LMOD1: variants seen among roughly 807,000 people sequenced by gnomAD.
LMOD1 encodes leiomodin-1.
LMOD1 carries 8 observed loss-of-function variants against 36.5 expected under a neutral mutation model. The observed-to-expected ratio is 0.22, with a 90% CI of 0.13 to 0.40. LMOD1 has a LOEUF of 0.40. Ranked by LOEUF, LMOD1 falls within the 10% of genes least tolerant of loss-of-function variation. The pLI is 1.00. For missense variants in LMOD1, 630 were observed against 751.1 expected, an observed-to-expected ratio of 0.84 and a Z score of 1.88; for synonymous variants, 284 against 288.7, an observed-to-expected ratio of 0.98 and a Z score of 0.17.
intron 1 of LMOD1, among the ~76,000 whole-genome samples, chr1:201,932,339 G>C (rs1471853129): frequency 2.0e-5 from 3 of 152,116 alleles, no homozygotes; most frequent in African/African-American, 7.2e-5. Context: ...TGAGGTAGAG[G>C]AATCTGACCT....
In LMOD1 at chr1:201,897,061, C is replaced by T. The variant is rs1681207346; in HGVS notation, c.*1311G>A. The T allele has an allele frequency of 3.5e-6, 1 of 283,464 alleles. No individual in the cohort carries two copies. The highest frequency in any genetic ancestry group is 7.1e-6 in the Non-Finnish European group (1 of 141,600). 17.6% of individuals were successfully genotyped at this position (283,464 alleles called of 1,614,324 possible). A position where few individuals can be genotyped will look rare whatever the true frequency, so the allele number is the denominator to read the frequency against. On this transcript the variant is annotated 3_prime_UTR_variant, in exon 3 of 3. Transcript: ENST00000367288. ...TTCAGAAAGATGCCTTTCACCTACACCCGATGGTGGGCATGGCAGCATTGT... is the reference window on the plus strand; with the variant it reads ...TTCAGAAAGATGCCTTTCACCTACATCCGATGGTGGGCATGGCAGCATTGT...
Position 201,899,472 on chromosome 1 carries a change from T to G in LMOD1, c.1541A>C (p.Gln514Pro). The change falls in exon 2 of 3, where the codon CAA becomes CCA. Residue 514 changes from glutamine (Q) to proline (P), a missense_variant. By Grantham distance (76) the Gln-to-Pro change is moderately conservative (BLOSUM62 -1). Transcript: ENST00000367288. This position sits in a 1 kb window ranked among gnomAD's most constrained non-coding sequence, Gnocchi z 6.3. ...CTTTGGAGAGGGCTTTGGAGATGGT[T>G]GAGGTGAAGGTTTTGGGGAGCCCTT... ...VAKGSPKPSP[Q>P]PSPKPSPKNS... The G allele has an allele frequency of 6.2e-7, 1 of 1,613,958 alleles. No individual in the cohort carries two copies. Among genetic ancestry groups the G allele is most frequent in the Non-Finnish European group, 8.5e-7 (1 of 1,179,878 alleles).
At chr1:201,933,003 A>G (rs184364185) in intron 1 of LMOD1, among the ~76,000 whole-genome samples, 3 of 152,344 alleles carry the variant, frequency 2.0e-5, no homozygotes, top group Non-Finnish European at 4.4e-5. Context: ...AAATGTTCAT[A>G]ACAGCATTGT....
chr1:201,913,376 C>T (rs1287141128), intron 1 of LMOD1, among the ~76,000 whole-genome samples: 2 of 152,036 alleles, frequency 1.3e-5, no homozygotes, highest in Non-Finnish European at 2.9e-5. Flanking sequence ...GAGGCCGAGG[C>T]GGGTGGATCA....
intron 1 of LMOD1, among the ~76,000 whole-genome samples, chr1:201,925,617 C>G (rs1200936650): frequency 1.3e-5 from 2 of 150,044 alleles, no homozygotes; most frequent in African/African-American, 4.9e-5. Flanking sequence ...AGTTGACCTT[C>G]TCTTCTTGAC....
chr1:201,896,886 G>C lies in LMOD1; in HGVS notation c.*1486C>G, dbSNP rs1484270612. ...AGCACAGCGATCTTGCTTCCTAGCT[G>C]GGGCACCCCACCCTCACCTCAAAGA... On this transcript the variant is annotated 3_prime_UTR_variant, in exon 3 of 3. Coordinates refer to ENST00000367288, the MANE Select transcript of LMOD1 (RefSeq NM_012134.3). 3 of 360,414 alleles carry C rather than the reference G, an allele frequency of 8.3e-6. No individual in the cohort carries two copies. Among genetic ancestry groups the C allele is most frequent in the Non-Finnish European group, 1.7e-5 (3 of 180,212 alleles). 22.3% of individuals were successfully genotyped at this position (360,414 alleles called of 1,614,324 possible).
intron 1 of LMOD1, among the ~76,000 whole-genome samples, chr1:201,908,939 A>G (rs1000601015): frequency 6.6e-6 from 1 of 152,174 alleles, no homozygotes; most frequent in Non-Finnish European, 1.5e-5. Flanking sequence ...ATCCGCACCC[A>G]ATAAACCTGA....
chr1:201,908,423 C>T (rs1681444074), intron 1 of LMOD1, among the ~76,000 whole-genome samples: 1 of 152,174 alleles, frequency 6.6e-6, no homozygotes. Flanking sequence ...CAAGTATAAC[C>T]TCACCCCCTT....
chr1:201,946,073 C>T lies in LMOD1; in HGVS notation c.261+7G>A. 6.2e-7 allele frequency: 1 copy of T among 1,612,112 alleles called. No homozygotes were observed. The highest frequency in any genetic ancestry group is 2.2e-5 in the East Asian group (1 of 44,834). Reference sequence around the variant, plus strand: ...CCCTCCTCCCCTCCAGGGCTGTGCTCACTCACATCCATGGACATCTCCCTC... The same window carrying T: ...CCCTCCTCCCCTCCAGGGCTGTGCTTACTCACATCCATGGACATCTCCCTC... On this transcript the variant is annotated splice_region_variant and intron_variant, in intron 1 of 2. Transcript: ENST00000367288.
chr1:201,925,966 A>T lies in LMOD1; in HGVS notation c.261+20114T>A, dbSNP rs532410527. 2.0e-5 allele frequency among the ~76,000 whole-genome samples: 3 copies of T among 152,156 alleles called. No individual in the cohort carries two copies. In the East Asian group the frequency reaches 5.8e-4, roughly 29 times the overall value. ...TGGGCTCAAGCAGGCCTCCCATCTC[A>T]GCCTCCCAAAGTGTTGGAATTACAA... On this transcript the variant is annotated intron_variant, in intron 1 of 2. Coordinates refer to ENST00000367288, the MANE Select transcript of LMOD1 (RefSeq NM_012134.3).
chr1:201,905,719 A>G (rs1413502158), intron 1 of LMOD1, among the ~76,000 whole-genome samples: 1 of 152,182 alleles, frequency 6.6e-6, no homozygotes, highest in Non-Finnish European at 1.5e-5. Flanking sequence ...ATTTGGACCC[A>G]TGTAGCTGCA....
intron 1 of LMOD1, among the ~76,000 whole-genome samples, chr1:201,901,662 ATATATATATATACACATATATATATGTG>A (rs1558234919): frequency 1.3e-4 from 13 of 100,080 alleles, no homozygotes; most frequent in Non-Finnish European, 2.2e-4. Flanking sequence ...ATATATGTGT[ATATATATATATACACATATATATATGTG>A]TATATATATA....
intron 1 of LMOD1, among the ~76,000 whole-genome samples, chr1:201,916,327 A>C (rs1681611058): frequency 6.6e-6 from 1 of 152,054 alleles, no homozygotes; most frequent in Non-Finnish European, 1.5e-5. Context: ...CGTCCTGGGC[A>C]ACATGGTGAA....
rs1681264787 is a variant in LMOD1 at position 201,899,864 on chromosome 1, G to A, written c.1149C>T (p.Leu383=). 1 of 1,613,910 alleles carries A rather than the reference G, an allele frequency of 6.2e-7. No individual in the cohort carries two copies. Among genetic ancestry groups the A allele is most frequent in the African/African-American group, 1.3e-5 (1 of 74,936 alleles). ...DHVAFAIAIM[L]KANKTITSLN... ...GGCTGGTGATGGTCTTGTTGGCCTT[G>A]AGCATGATGGCAATGGCAAAGGCCA... Residue 383 remains leucine, a synonymous_variant, in exon 2 of 3, where the codon CTC becomes CTT. Coordinates refer to ENST00000367288, the MANE Select transcript of LMOD1 (RefSeq NM_012134.3). This position sits in a 1 kb window ranked among gnomAD's most constrained non-coding sequence, Gnocchi z 6.3.
intron 1 of LMOD1, 134 bp from the exon 2 acceptor site, chr1:201,900,885 G>A (rs1681289250): frequency 2.7e-6 from 2 of 753,874 alleles, no homozygotes; most frequent in Non-Finnish European, 4.2e-6. Flanking sequence ...GTTTGGGAGA[G>A]TGGGGTGGAT....
At chr1:201,922,557 C>T (rs564197381) in intron 1 of LMOD1, among the ~76,000 whole-genome samples, 7 of 152,076 alleles carry the variant, frequency 4.6e-5, no homozygotes, top group East Asian at 1.9e-4. Context: ...AATGGATTAG[C>T]GGTTGCCAGT....
intron 1 of LMOD1, among the ~76,000 whole-genome samples, chr1:201,908,834 G>C (rs938296411): frequency 1.6e-4 from 25 of 152,170 alleles, no homozygotes; most frequent in African/African-American, 5.8e-4. Flanking sequence ...TTCCCACATG[G>C]CCCCAGCATG....
chr1:201,924,451 GGGAGGGAGGGAA>G (rs1681774392), intron 1 of LMOD1, among the ~76,000 whole-genome samples: 1 of 34,042 alleles, frequency 2.9e-5, no homozygotes, highest in Non-Finnish European at 5.7e-5. Context: ...CAAGGAAGGA[GGGAGGGAGGGAA>G]GGAAGGAAGG....
chr1:201,935,512 C>T (rs183980584), intron 1 of LMOD1, among the ~76,000 whole-genome samples: 1 of 152,088 alleles, frequency 6.6e-6, no homozygotes, highest in East Asian at 1.9e-4. Context: ...GTAGTTCACA[C>T]CTGTACACCT....
Sources: gnomAD v4.1 joint callset for allele counts (sites outside exome capture counted in the v4.1 genomes callset) on GRCh38, gnomAD v4.1.1 for gene constraint, Gnocchi (gnomAD v3.1) non-coding constraint, MANE v1.5 for transcripts, NCBI Gene and HGNC (gene_info 2026-07-23, HGNC 2026-07-21) for gene names.